Variants in DLG2 observed in about 807,000 individuals in gnomAD.
DLG2 encodes the protein discs large MAGUK scaffold protein 2, also known as disks large homolog 2.
DLG2 carries 45 observed loss-of-function variants against 132.5 expected under a neutral mutation model. That is an observed-to-expected ratio of 0.34 (90% CI 0.27 to 0.44). The LOEUF is 0.44. Among genes scored for constraint, DLG2 ranks in the 20% least tolerant of loss-of-function variants. The pLI, the probability that DLG2 is intolerant of heterozygous loss-of-function variation, is 1.00. For missense variants in DLG2, 1,045 were observed against 1,196.9 expected, an observed-to-expected ratio of 0.87 and a Z score of 1.87; for synonymous variants, 424 against 419.6, an observed-to-expected ratio of 1.01 and a Z score of -0.13.
chr11:85,320,471 A>G (rs2080984383), intron 3 of DLG2, among the ~76,000 whole-genome samples: 1 of 151,928 alleles, frequency 6.6e-6, no homozygotes, highest in Non-Finnish European at 1.5e-5. Flanking sequence ...CAGGAATTAC[A>G]GAAGAGAATG....
intron 18 of DLG2, among the ~76,000 whole-genome samples, chr11:83,707,637 C>T (rs2084354516): frequency 6.6e-6 from 1 of 152,222 alleles, no homozygotes; most frequent in African/African-American, 2.4e-5. Flanking sequence ...TGCCACTGCA[C>T]TTCAGCCTGG....
At chr11:84,416,688 A>G (rs1474849573) in intron 7 of DLG2, among the ~76,000 whole-genome samples, 2 of 152,234 alleles carry the variant, frequency 1.3e-5, no homozygotes, top group Non-Finnish European at 2.9e-5. Context: ...GTTTCCATAT[A>G]CATAAAACAG....
At chr11:84,735,889 A>G (rs1033878582) in intron 6 of DLG2, among the ~76,000 whole-genome samples, 2 of 151,936 alleles carry the variant, frequency 1.3e-5, no homozygotes, top group African/African-American at 4.8e-5. Context: ...TGTCTTTTGA[A>G]TACCAGAAGT....
intron 7 of DLG2, among the ~76,000 whole-genome samples, chr11:84,380,962 T>C (rs888098238): frequency 6.6e-6 from 1 of 151,930 alleles, no homozygotes; most frequent in Non-Finnish European, 1.5e-5. Context: ...TATAGAATAA[T>C]ACATTGTTAA....
rs2082355175 is a variant in DLG2 at position 85,339,678 on chromosome 11, AT to A, written c.41-54314del. Among the ~76,000 whole-genome samples the A allele has an allele frequency of 2.6e-5, 4 of 152,270 alleles. No homozygotes were observed. In the South Asian group the frequency reaches 8.3e-4, roughly 31 times the overall value. On this transcript the variant is annotated intron_variant, in intron 3 of 27. Transcript: ENST00000376104. Reference sequence around the variant, plus strand: ...GTTCTTATATTTTTCAAAAATTTTTATTGGCTTTTCAGTCATTTGTCCCTCA... The same window carrying A: ...GTTCTTATATTTTTCAAAAATTTTTATGGCTTTTCAGTCATTTGTCCCTCA...
intron 9 of DLG2, among the ~76,000 whole-genome samples, chr11:84,106,982 GTGTGT>G (rs2092996346): frequency 1.7e-5 from 1 of 57,662 alleles, no homozygotes; most frequent in African/African-American, 4.5e-5. Context: ...GCCTTAGGGT[GTGTGT>G]GTGTGTGTGT....
intron 8 of DLG2, among the ~76,000 whole-genome samples, chr11:84,186,107 TC>T (rs1342092085): frequency 1.3e-5 from 2 of 152,172 alleles, no homozygotes; most frequent in African/African-American, 4.8e-5. Context: ...TCTTTGCCTT[TC>T]GCTTTTCAGC....
At chr11:84,644,637 C>T (rs1421819918) in intron 6 of DLG2, among the ~76,000 whole-genome samples, 2 of 150,306 alleles carry the variant, frequency 1.3e-5, no homozygotes, top group African/African-American at 2.5e-5. Context: ...ACTCTGGAGG[C>T]GCAGCTTGCA....
chr11:83,614,732 A>T (rs1262122428), intron 19 of DLG2, among the ~76,000 whole-genome samples: 2 of 152,148 alleles, frequency 1.3e-5, no homozygotes, highest in Non-Finnish European at 2.9e-5. Context: ...CAACAACAAC[A>T]AACCAACCAG....
At chr11:85,518,814 T>C (rs1205554880) in intron 3 of DLG2, among the ~76,000 whole-genome samples, 1 of 152,058 alleles carries the variant, frequency 6.6e-6, no homozygotes, top group Non-Finnish European at 1.5e-5. Flanking sequence ...GGACCCTCTG[T>C]TGTTTACAGT....
At chr11:84,587,955 A>G (rs532922874) in intron 6 of DLG2, among the ~76,000 whole-genome samples, 1 of 151,834 alleles carries the variant, frequency 6.6e-6, no homozygotes, top group Admixed American at 6.6e-5. Context: ...GCTTTCAATC[A>G]CTCCTCTTTT....
intron 6 of DLG2, among the ~76,000 whole-genome samples, chr11:84,630,030 T>TA: frequency 6.6e-6 from 1 of 152,300 alleles, no homozygotes; most frequent in South Asian, 2.1e-4. Context: ...TGAGGTACAA[T>TA]AGAGACACAT....
intron 8 of DLG2, among the ~76,000 whole-genome samples, chr11:84,191,213 C>T (rs2096401924): frequency 6.6e-6 from 1 of 151,938 alleles, no homozygotes; most frequent in Admixed American, 6.6e-5. Context: ...TTTTGATCTC[C>T]ACTTTTTTTT....
chr11:84,065,468 C>T (rs1190979045), intron 10 of DLG2, among the ~76,000 whole-genome samples: 3 of 152,112 alleles, frequency 2.0e-5, no homozygotes, highest in Admixed American at 2.0e-4. Flanking sequence ...TGAAAAAATG[C>T]TCAACATTAC....
chr11:85,066,038 GAT>G (rs774943751), intron 6 of DLG2, among the ~76,000 whole-genome samples: 176 of 151,470 alleles, frequency 1.2e-3, no homozygotes, highest in Non-Finnish European at 1.6e-3. Context: ...TCTTTGAAAA[GAT>G]AAACAAAATA....
chr11:85,305,687 T>C (rs1452300109), intron 3 of DLG2, among the ~76,000 whole-genome samples: 3 of 152,088 alleles, frequency 2.0e-5, no homozygotes, highest in Non-Finnish European at 4.4e-5. Context: ...TAATTTTTTG[T>C]ATTTTTAGTA....
intron 6 of DLG2, among the ~76,000 whole-genome samples, chr11:84,647,640 T>C (rs2099676604): frequency 6.6e-6 from 1 of 152,228 alleles, no homozygotes; most frequent in Non-Finnish European, 1.5e-5. Context: ...AGATCATAAA[T>C]TCCTTGAGGA....
chr11:83,977,728 G>C (rs948341379), intron 12 of DLG2, among the ~76,000 whole-genome samples: 1 of 152,078 alleles, frequency 6.6e-6, no homozygotes, highest in Non-Finnish European at 1.5e-5. Flanking sequence ...ATGCTCTCAA[G>C]TTCAGCTTAA....
At chr11:85,117,755 A>C (rs935421485) in intron 5 of DLG2, among the ~76,000 whole-genome samples, 3 of 151,928 alleles carry the variant, frequency 2.0e-5, no homozygotes, top group Non-Finnish European at 4.4e-5. Context: ...AGAATCTTTC[A>C]TCTGGAATGT....
Sources: gnomAD v4.1 joint callset for allele counts (sites outside exome capture counted in the v4.1 genomes callset) on GRCh38, gnomAD v4.1.1 for gene constraint, MANE v1.5 for transcripts, NCBI Gene and HGNC (gene_info 2026-07-23, HGNC 2026-07-21) for gene names.